The following WSCD1 variants were observed in gnomAD, a reference collection of about 807,000 sequenced individuals.
WSCD1 encodes sialate:O-sulfotransferase 1.
Under a neutral mutation model 60.4 loss-of-function variants are expected in WSCD1, and 41 were observed. That is an observed-to-expected ratio of 0.68 (90% confidence interval 0.53 to 0.88). The LOEUF (loss-of-function observed/expected upper bound fraction) is 0.88. Among genes scored for constraint, WSCD1 ranks in the 40% least tolerant of loss-of-function variants. The probability of loss-of-function intolerance (pLI) is 0.00; values close to 1 mark genes in which losing one functional copy is unlikely to be tolerated. For synonymous variants in WSCD1, 361 were observed against 332.5 expected, an observed-to-expected ratio of 1.09 and a Z score of -0.93; for missense variants, 784 against 796.2, an observed-to-expected ratio of 0.98 and a Z score of 0.18.
intron 7 of WSCD1, among the ~76,000 whole-genome samples, chr17:6,111,551 A>G (rs964010431): frequency 3.9e-5 from 6 of 152,150 alleles, no homozygotes; most frequent in African/African-American, 1.4e-4. Context: ...AAATACAAAA[A>G]TTAGCTGGGC....
At chr17:6,108,198 TTA>T (rs1387579048) in intron 5 of WSCD1, among the ~76,000 whole-genome samples, 3 of 152,236 alleles carry the variant, frequency 2.0e-5, no homozygotes, top group South Asian at 2.1e-4. Context: ...CTGTTGTCTT[TTA>T]TGAGTGCCCA....
intron 2 of WSCD1, among the ~76,000 whole-genome samples, chr17:6,082,896 G>A (rs1597352843): frequency 6.6e-6 from 1 of 152,136 alleles, no homozygotes; most frequent in Non-Finnish European, 1.5e-5. Flanking sequence ...CTTACTTTAG[G>A]AGACTGACTG....
In WSCD1 at chr17:6,123,518, T is replaced by C. The variant is rs1904828601; in HGVS notation, c.*2857T>C. The C allele has an allele frequency of 6.6e-6, 1 of 152,208 alleles. No individual in the cohort carries two copies. Among genetic ancestry groups the C allele is most frequent in the Admixed American group, 6.5e-5 (1 of 15,282 alleles). The allele number at this position is 152,208 out of a possible 1,614,324, so 9.4% of individuals were successfully genotyped here. A position where few individuals can be genotyped will look rare whatever the true frequency, so the allele number is the denominator to read the frequency against. On this transcript the variant is annotated 3_prime_UTR_variant, in exon 9 of 9. Coordinates refer to ENST00000317744, the MANE Select transcript of WSCD1 (RefSeq NM_015253.2). ...AGATTTTGAGTGCATGAATCTGTGA[T>C]AATGTTTGCATATCAGAATGCATTC...
At chr17:6,072,002 G>T (rs1165584905) in intron 1 of WSCD1, among the ~76,000 whole-genome samples, 2 of 152,220 alleles carry the variant, frequency 1.3e-5, no homozygotes, top group Non-Finnish European at 2.9e-5. Context: ...TGGTGGCTGA[G>T]CCTGACTGCC....
chr17:6,080,581 G>A lies in WSCD1; in HGVS notation c.-78G>A, dbSNP rs976413431. 7.3e-6 allele frequency: 11 copies of A among 1,496,912 alleles called. No homozygotes were observed. Among genetic ancestry groups the A allele is most frequent in the East Asian group, 4.5e-5 (2 of 44,176 alleles). 92.7% of individuals were successfully genotyped at this position (1,496,912 alleles called of 1,614,324 possible). The stretch of plus-strand genomic sequence containing the variant: ...GCCAGGATGCAAGGATGACGCCTCC[G>A]GAGGCCCTGGCCTCACTCCCACCTG... On this transcript the variant is annotated 5_prime_UTR_variant, in exon 2 of 9. Transcript: ENST00000317744. This position sits in a 1 kb window ranked among gnomAD's most constrained non-coding sequence, Gnocchi z 6.6.
Position 6,095,110 on chromosome 17 carries a change from G to A in WSCD1, c.736G>A (p.Ala246Thr), listed in dbSNP as rs145724950. The A allele has an allele frequency of 3.7e-5, 60 of 1,610,494 alleles. No homozygotes were observed. The African/African-American group carries it at 7.1e-4, about 19-fold the overall frequency. Reference sequence around the variant, plus strand: ...CCTCTCTTTTCCCCCAGGGCGGACCGCCACCTACCGCGGATGCTTCCGACT... The same window carrying A: ...CCTCTCTTTTCCCCCAGGGCGGACCACCACCTACCGCGGATGCTTCCGACT... ...LQPGSRKRRTATYRGCFRLPE... is the reference protein window; with the variant it reads ...LQPGSRKRRTTTYRGCFRLPE... The change falls in exon 5 of 9, where the codon GCC becomes ACC. Residue 246 changes from alanine to threonine, a missense_variant. Physicochemically the swap from Ala to Thr is moderately conservative, Grantham distance 58. Coordinates refer to ENST00000317744, the MANE Select transcript of WSCD1 (RefSeq NM_015253.2).
chr17:6,074,782 G>C (rs981138828), intron 1 of WSCD1, among the ~76,000 whole-genome samples: 3 of 152,238 alleles, frequency 2.0e-5, no homozygotes, highest in Middle Eastern at 3.2e-3. Flanking sequence ...GTGATGCTCT[G>C]GTGGGATACA....
chr17:6,087,079 G>A (rs765242100), intron 2 of WSCD1, among the ~76,000 whole-genome samples: 59 of 152,314 alleles, frequency 3.9e-4, no homozygotes, highest in African/African-American at 1.3e-3. Context: ...GTGGGTGTGC[G>A]TTCACGGCTT....
intron 5 of WSCD1, among the ~76,000 whole-genome samples, chr17:6,096,856 C>T (rs967155264): frequency 6.6e-6 from 1 of 152,210 alleles, no homozygotes; most frequent in African/African-American, 2.4e-5. Flanking sequence ...GTGGTCCAGA[C>T]CAGGCTGGAG....
chr17:6,081,234 G>C, intron 2 of WSCD1, 149 bp downstream of exon 2: 2 of 1,019,888 alleles, frequency 2.0e-6, no homozygotes, highest in Non-Finnish European at 2.7e-6. Context: ...AGGGGCCTGC[G>C]ATGCGAAGTC....
chr17:6,069,776 TGTG>T (rs946909303), upstream of WSCD1, among the ~76,000 whole-genome samples: 1 of 84,140 alleles, frequency 1.2e-5, no homozygotes, highest in African/African-American at 6.3e-5. Flanking sequence ...GGTGATCCGG[TGTG>T]TGTGTGTGTG....
chr17:6,103,326 G>A (rs1036400741), intron 5 of WSCD1, among the ~76,000 whole-genome samples: 10 of 152,196 alleles, frequency 6.6e-5, no homozygotes, highest in Non-Finnish European at 1.2e-4. Context: ...TTCAGTGTGT[G>A]GGGGATGTTT....
chr17:6,099,068 TTGG>T (rs374451260), intron 5 of WSCD1, among the ~76,000 whole-genome samples: 25,892 of 121,094 alleles, frequency 0.21, 2,335 homozygotes, highest in Non-Finnish European at 0.24. Context: ...GCAGGGTTAC[TTGG>T]GGGGCTGTGA....
chr17:6,108,111 CT>C (rs1484783426), intron 5 of WSCD1, among the ~76,000 whole-genome samples: 1 of 152,150 alleles, frequency 6.6e-6, no homozygotes, highest in African/African-American at 2.4e-5. Context: ...AGCATTTCCC[CT>C]GACTCCCTCC....
chr17:6,108,706 A>G lies in WSCD1; in HGVS notation c.850-901A>G, dbSNP rs1386224686. 2.0e-5 allele frequency among the ~76,000 whole-genome samples: 3 copies of G among 152,214 alleles called. No individual in the cohort carries two copies. In the East Asian group the frequency reaches 5.8e-4, roughly 29 times the overall value. ...GTGATGAAATTCAAAGAAGTTAGGC[A>G]CCTTGCTCAAGGGTGCCTAGCAAGC... On this transcript the variant is annotated intron_variant, in intron 5 of 8. Coordinates refer to ENST00000317744, the MANE Select transcript of WSCD1 (RefSeq NM_015253.2).
chr17:6,120,653 C>T lies in WSCD1; in HGVS notation c.1720C>T (p.Pro574Ser), dbSNP rs1186466671. The T allele has an allele frequency of 1.9e-6, 3 of 1,609,316 alleles. No homozygotes were observed. The highest frequency in any genetic ancestry group is 1.7e-6 in the Non-Finnish European group (2 of 1,177,226). The change falls in exon 9 of 9, where the codon CCC (proline) becomes TCC (serine). Residue 574 changes from proline to serine, a missense_variant. Physicochemically the swap from Pro to Ser is moderately conservative, Grantham distance 74. Transcript: ENST00000317744. ...GACGGGGCTGCCCAGGGAGTATGTG[C>T]CCAGATGATAGGCCTGGCCCACGCC... ...NWTGLPREYVPR is the reference protein window; with the variant it reads ...NWTGLPREYVSR
chr17:6,113,316 C>T lies in WSCD1; in HGVS notation c.1174+2381C>T, dbSNP rs9904195. On this transcript the variant is annotated intron_variant, in intron 7 of 8. Transcript: ENST00000317744. ...CCATATGCAGAAGACTGAAGATATA[C>T]CCCTATCTCTCTCCTTATGCAAAAA... Among the ~76,000 whole-genome samples the T allele has an allele frequency of 9.9e-3, 1,512 of 152,208 alleles. 24 individuals carry two copies. The highest frequency in any genetic ancestry group is 0.034 in the African/African-American group (1,400 of 41,534).
rs1356510461 is a variant in WSCD1 at position 6,101,968 on chromosome 17, C to T, written c.849+6745C>T. ...TTACTAATGTGAGACACTCCACCGG[C>T]GATTATACCTTGTGATGTGAGGTTT... On this transcript the variant is annotated intron_variant, in intron 5 of 8. Transcript: ENST00000317744. This position sits in a 1 kb window ranked among gnomAD's most constrained non-coding sequence, Gnocchi z 4.1. Among the ~76,000 whole-genome samples the T allele has an allele frequency of 2.0e-5, 3 of 152,232 alleles. No homozygotes were observed. Among genetic ancestry groups the T allele is most frequent in the African/African-American group, 4.8e-5 (2 of 41,540 alleles).
chr17:6,095,114 C>G lies in WSCD1; in HGVS notation c.740C>G (p.Thr247Ser). ...TCTTTTCCCCCAGGGCGGACCGCCA[C>G]CTACCGCGGATGCTTCCGACTGCCA... ...QPGSRKRRTA[T>S]YRGCFRLPEN... Residue 247 changes from threonine (T) to serine (S), a missense_variant, in exon 5 of 9, where the codon ACC (threonine) becomes AGC (serine). Transcript: ENST00000317744. 2 of 1,612,272 alleles carry G rather than the reference C, an allele frequency of 1.2e-6. No homozygotes were observed. Among genetic ancestry groups the G allele is most frequent in the Non-Finnish European group, 1.7e-6 (2 of 1,179,208 alleles).
Sources: gnomAD v4.1 joint callset for allele counts (sites outside exome capture counted in the v4.1 genomes callset) on GRCh38, gnomAD v4.1.1 for gene constraint, Gnocchi (gnomAD v3.1) non-coding constraint, MANE v1.5 for transcripts, NCBI Gene and HGNC (gene_info 2026-07-23, HGNC 2026-07-21) for gene names.